RBMS3: variants seen among roughly 807,000 people sequenced by gnomAD.
RBMS3 encodes the protein RNA-binding motif, single-stranded-interacting protein 3.
A neutral mutation model predicts 66.8 loss-of-function variants in RBMS3; 27 were observed. The observed-to-expected ratio is 0.40, with a 90% CI of 0.30 to 0.56. The LOEUF (loss-of-function observed/expected upper bound fraction) is 0.56, where lower values mean the gene tolerates loss of function less well. RBMS3 is among the 20% of genes least tolerant of loss of function. The pLI is 0.40. For synonymous variants in RBMS3, 188 were observed against 183.0 expected, an observed-to-expected ratio of 1.03 and a Z score of -0.22; for missense variants, 513 against 549.5, an observed-to-expected ratio of 0.93 and a Z score of 0.66.
chr3:29,790,773 T>A (rs2056983754), intron 6 of RBMS3, among the ~76,000 whole-genome samples: 1 of 152,204 alleles, frequency 6.6e-6, no homozygotes, highest in African/African-American at 2.4e-5. Flanking sequence ...GATTTTGAAG[T>A]TTAAAATGCT....
At position 29,936,203 on chromosome 3, in the gene RBMS3, T is replaced by G. The variant is rs2061261677; in HGVS notation, c.1050+7T>G. ...GTTGGGCACAACAGGAACGGTGAGT[T>G]GAAGAGATTGTTTTGTTTCCTTGAA... On this transcript the variant is annotated splice_region_variant and intron_variant, in intron 11 of 14. Transcript: ENST00000383767. 1 of 1,609,958 alleles carries G rather than the reference T, an allele frequency of 6.2e-7. No homozygotes were observed. Among genetic ancestry groups the G allele is most frequent in the South Asian group, 1.1e-5 (1 of 90,354 alleles).
At chr3:29,685,116 T>C (rs1439085444) in intron 4 of RBMS3, among the ~76,000 whole-genome samples, 1 of 152,164 alleles carries the variant, frequency 6.6e-6, no homozygotes, top group Non-Finnish European at 1.5e-5. Flanking sequence ...GGGAGTGCAG[T>C]GGCGCGATCT....
intron 1 of RBMS3, among the ~76,000 whole-genome samples, chr3:29,377,198 ACTT>A (rs1339736377): frequency 6.6e-6 from 1 of 152,008 alleles, no homozygotes. Flanking sequence ...TAGTGGCTCC[ACTT>A]CTTAGAAGTT....
intron 10 of RBMS3, among the ~76,000 whole-genome samples, chr3:29,931,218 T>C (rs550755135): frequency 6.6e-6 from 1 of 152,220 alleles, no homozygotes; most frequent in Non-Finnish European, 1.5e-5. Flanking sequence ...ACTTACTGCA[T>C]GCAATTCCTA....
chr3:29,619,732 A>AT (rs1394769586), intron 4 of RBMS3, among the ~76,000 whole-genome samples: 2 of 152,092 alleles, frequency 1.3e-5, no homozygotes, highest in African/African-American at 4.8e-5. Flanking sequence ...GGGAACATGG[A>AT]TTTTTTTGCT....
At chr3:29,373,169 G>T (rs1043807776) in intron 1 of RBMS3, among the ~76,000 whole-genome samples, 4 of 152,112 alleles carry the variant, frequency 2.6e-5, no homozygotes, top group African/African-American at 9.7e-5. Flanking sequence ...GTGATGTCAT[G>T]GTCTCTTTCT....
intron 2 of RBMS3, among the ~76,000 whole-genome samples, chr3:29,445,945 G>A (rs1405123477): frequency 1.3e-5 from 2 of 152,084 alleles, no homozygotes; most frequent in African/African-American, 2.4e-5. Flanking sequence ...GTAAAATTAA[G>A]TGCACTCATC....
Position 29,605,790 on chromosome 3 carries a change from A to T in RBMS3, c.399+18585A>T, listed in dbSNP as rs1230882047. 2.0e-5 allele frequency among the ~76,000 whole-genome samples: 3 copies of T among 151,748 alleles called. No homozygotes were observed. The East Asian group carries it at 5.8e-4, about 30-fold the overall frequency. On this transcript the variant is annotated intron_variant, in intron 4 of 14. Coordinates refer to ENST00000383767, the MANE Select transcript of RBMS3 (RefSeq NM_001003793.3). ...GGTGGATTTAGTATACCATGTCAAGAATGCTAGTACTGATGATTTGTGTCC... is the reference window on the plus strand; with the variant it reads ...GGTGGATTTAGTATACCATGTCAAGTATGCTAGTACTGATGATTTGTGTCC...
intron 3 of RBMS3, among the ~76,000 whole-genome samples, chr3:29,510,028 G>C (rs2044336578): frequency 6.6e-6 from 1 of 152,094 alleles, no homozygotes; most frequent in Non-Finnish European, 1.5e-5. Context: ...TTAGAAACTG[G>C]GATAAAATTG....
At chr3:29,706,384 G>T (rs1267878153) in intron 4 of RBMS3, among the ~76,000 whole-genome samples, 1 of 152,116 alleles carries the variant, frequency 6.6e-6, no homozygotes, top group South Asian at 2.1e-4. Flanking sequence ...CTATGATATT[G>T]TCATGATGTC....
At chr3:29,487,209 A>G (rs1483481108) in intron 2 of RBMS3, among the ~76,000 whole-genome samples, 3 of 152,140 alleles carry the variant, frequency 2.0e-5, no homozygotes, top group Non-Finnish European at 4.4e-5. Flanking sequence ...GGGGTGAAAT[A>G]GAGCTCCAAA....
At chr3:29,399,593 T>G (rs1007047724) in intron 1 of RBMS3, among the ~76,000 whole-genome samples, 3 of 152,194 alleles carry the variant, frequency 2.0e-5, no homozygotes, top group Admixed American at 2.0e-4. Flanking sequence ...TCCAGCATCA[T>G]GGCCTGATTA....
intron 6 of RBMS3, among the ~76,000 whole-genome samples, chr3:29,774,906 AAAT>A (rs1365550258): frequency 1.8e-4 from 6 of 33,764 alleles, no homozygotes; most frequent in Admixed American, 1.0e-3. Context: ...ATTTTAAAAT[AAAT>A]AAACATCTAA....
intron 12 of RBMS3, among the ~76,000 whole-genome samples, chr3:29,962,567 T>TAA (rs1553708702): frequency 2.0e-5 from 3 of 150,780 alleles, no homozygotes; most frequent in Non-Finnish European, 4.4e-5. Flanking sequence ...TATATATATA[T>TAA]AATACCATAC....
chr3:29,744,644 C>G (rs868327012), intron 5 of RBMS3, among the ~76,000 whole-genome samples: 1 of 152,010 alleles, frequency 6.6e-6, no homozygotes, highest in Non-Finnish European at 1.5e-5. Flanking sequence ...ATTAGCCAGG[C>G]GTGGTGGCAC....
chr3:29,772,056 G>GGAGAAC (rs2056229269), intron 6 of RBMS3, among the ~76,000 whole-genome samples: 1 of 151,976 alleles, frequency 6.6e-6, no homozygotes, highest in South Asian at 2.1e-4. Context: ...CAAAAGTGGA[G>GGAGAAC]GAGAACGGTA....
intron 1 of RBMS3, among the ~76,000 whole-genome samples, chr3:29,340,105 C>G (rs1033236139): frequency 6.6e-6 from 1 of 152,086 alleles, no homozygotes; most frequent in South Asian, 2.1e-4. Context: ...ATGTCAAGCA[C>G]ATATAGGAAG....
At chr3:29,332,924 G>A (rs1372657621) in intron 1 of RBMS3, among the ~76,000 whole-genome samples, 1 of 152,052 alleles carries the variant, frequency 6.6e-6, no homozygotes, top group Non-Finnish European at 1.5e-5. Context: ...GCATTATTCT[G>A]GGATGACTTC....
intron 1 of RBMS3, among the ~76,000 whole-genome samples, chr3:29,422,585 TAA>T (rs1430924796): frequency 7.9e-5 from 12 of 152,034 alleles, no homozygotes; most frequent in African/African-American, 1.4e-4. Flanking sequence ...AAATATTTTA[TAA>T]GTTTCTTATT....
Sources: allele counts gnomAD v4.1 joint callset (sites outside exome capture counted in the v4.1 genomes callset), GRCh38; gene constraint gnomAD v4.1.1; transcripts MANE v1.5; gene names NCBI Gene and HGNC (gene_info 2026-07-23, HGNC 2026-07-21).